KIF4A: variants seen among roughly 807,000 people sequenced by gnomAD.
KIF4A encodes the protein chromosome-associated kinesin KIF4A.
A neutral mutation model predicts 105.9 loss-of-function variants in KIF4A; 7 were observed. The observed-to-expected ratio is 0.07, with a 90% CI of 0.04 to 0.12. The LOEUF is 0.12. KIF4A is among the 10% of genes least tolerant of loss of function. The pLI is 1.00. For synonymous variants in KIF4A, 281 were observed against 331.3 expected (o/e 0.85, Z 1.65); for missense variants, 558 against 929.2 (o/e 0.60, Z 5.19).
At position 70,333,505 on chromosome X, in the gene KIF4A, C is replaced by T. The variant is rs188808608; in HGVS notation, c.1072-123C>T. On this transcript the variant is annotated intron_variant, in intron 9 of 30. Transcript: ENST00000374403. ...TTTGGTAGTATCTAAGGTATGCTAT[C>T]TGCCTTAGATTTCATAGACATTTAG... The T allele has an allele frequency of 4.5e-5, 22 of 494,063 alleles. No individual in the cohort carries two copies. The East Asian group carries it at 8.0e-4, about 18-fold the overall frequency. 40.7% of individuals were successfully genotyped at this position (494,063 alleles called of 1,213,427 possible). A position where few individuals can be genotyped will look rare whatever the true frequency, so the allele number is the denominator to read the frequency against.
intron 6 of KIF4A, 78 bp downstream of exon 6, chrX:70,302,144 A>G: frequency 8.9e-7 from 1 of 1,120,178 alleles, no homozygotes; most frequent in Non-Finnish European, 1.2e-6. Context: ...TCTTCAATTG[A>G]TTTGACAAAT....
chrX:70,335,418 A>G (rs1050403061), intron 10 of KIF4A, among the ~76,000 whole-genome samples: 5 of 112,251 alleles, frequency 4.5e-5, no homozygotes, highest in Admixed American at 1.9e-4. Context: ...TTTAATGGGT[A>G]TAGAATTTTA....
intron 7 of KIF4A, among the ~76,000 whole-genome samples, chrX:70,306,027 A>G (rs1390570182): frequency 8.9e-6 from 1 of 111,979 alleles, no homozygotes; most frequent in East Asian, 2.8e-4. Context: ...TTTTGGAAGA[A>G]TGTCCTTTCA....
At chrX:70,376,037 A>G in intron 17 of KIF4A, 63 bp from the exon 18 acceptor site, 1 of 782,765 alleles carries the variant, frequency 1.3e-6, no homozygotes, top group Non-Finnish European at 1.9e-6. Context: ...AAGTCTATCC[A>G]TCCGCACCAG....
At chrX:70,340,241 T>A (rs1400093128) in intron 10 of KIF4A, among the ~76,000 whole-genome samples, 1 of 111,989 alleles carries the variant, frequency 8.9e-6, no homozygotes, top group Non-Finnish European at 1.9e-5. Flanking sequence ...ACTTAAAAAA[T>A]TTAATGTATG....
chrX:70,404,286 C>T (rs1315398437), intron 24 of KIF4A, among the ~76,000 whole-genome samples: 3 of 111,355 alleles, frequency 2.7e-5, no homozygotes, highest in East Asian at 2.8e-4. Flanking sequence ...ACAGGCCCAG[C>T]GTGGTGGCTC....
intron 9 of KIF4A, among the ~76,000 whole-genome samples, chrX:70,332,922 C>T (rs983618764): frequency 9.0e-6 from 1 of 111,539 alleles, no homozygotes. Context: ...TGTATTATTT[C>T]CTACTATTTT....
chrX:70,333,689 C>A lies in KIF4A; in HGVS notation c.1133C>A (p.Thr378Asn). 1 of 1,142,124 alleles carries A rather than the reference C, an allele frequency of 8.8e-7. No homozygotes were observed. The highest frequency in any genetic ancestry group is 1.2e-6 in the Non-Finnish European group (1 of 832,975). The allele number at this position is 1,142,124 out of a possible 1,213,427, so 94.1% of individuals were successfully genotyped here. ...GGAGGTACCCTGCCTGGATCTATAA[C>A]GTAAGAGTCATAGATTAATTTGAAT... The part of the protein sequence containing the change: ...AHGGTLPGSI[T>N]VEPSENLQSL... Residue 378 changes from threonine to asparagine, a missense_variant and splice_region_variant, in exon 10 of 31, where the codon ACT becomes AAT. By Grantham distance (65) the Thr-to-Asn change is moderately conservative (BLOSUM62 0). This residue lies in a region of KIF4A where 469 missense variants were observed against 680.4 expected (regional missense o/e 0.69). Coordinates refer to ENST00000374403, the MANE Select transcript of KIF4A (RefSeq NM_012310.5).
intron 8 of KIF4A, among the ~76,000 whole-genome samples, 177 bp from the exon 9 acceptor site, chrX:70,329,980 A>G (rs1415842834): frequency 8.9e-6 from 1 of 112,117 alleles, no homozygotes; most frequent in Non-Finnish European, 1.9e-5. Context: ...ATTTAAATGT[A>G]TATTACATCA....
intron 15 of KIF4A, chrX:70,362,504 G>A (rs2086080440): frequency 8.1e-6 from 1 of 123,984 alleles, no homozygotes; most frequent in Non-Finnish European, 1.6e-5. Context: ...TTTTCCCCAT[G>A]GTATCAAATA....
In KIF4A at chrX:70,386,629, G is replaced by A. The variant is rs762779314; in HGVS notation, c.2046G>A (p.Arg682=). Reference sequence around the variant, plus strand: ...TTTTTTCTTGTCAGGACCGTAAGAGGCAATATGAGCTGCTGAAACTTGAAA... The same window carrying A: ...TTTTTTCTTGTCAGGACCGTAAGAGACAATATGAGCTGCTGAAACTTGAAA... ...VIQLKERDRK[R]QYELLKLERN... The change falls in exon 19 of 31, where the codon AGG becomes AGA. Residue 682 remains arginine, a synonymous_variant. Coordinates refer to ENST00000374403, the MANE Select transcript of KIF4A (RefSeq NM_012310.5). 4.2e-6 allele frequency: 5 copies of A among 1,204,268 alleles called. No individual in the cohort carries two copies. The South Asian group carries it at 5.3e-5, about 13-fold the overall frequency.
At chrX:70,295,744 C>T (rs1270119883) in intron 3 of KIF4A, among the ~76,000 whole-genome samples, 1 of 107,970 alleles carries the variant, frequency 9.3e-6, no homozygotes, top group South Asian at 4.2e-4. Context: ...GGTGAAACCC[C>T]GTCTCTACTA....
At chrX:70,360,053 G>A (rs2086068483) in intron 15 of KIF4A, among the ~76,000 whole-genome samples, 2 of 111,388 alleles carry the variant, frequency 1.8e-5, no homozygotes, top group Admixed American at 1.9e-4. Flanking sequence ...ACCCTGTGAG[G>A]GTGGCTTGTG....
intron 5 of KIF4A, among the ~76,000 whole-genome samples, chrX:70,301,538 A>G (rs969968221): frequency 1.8e-5 from 2 of 111,676 alleles, no homozygotes; most frequent in African/African-American, 6.5e-5. Context: ...GATAGGGGTG[A>G]AAGTAACAAA....
intron 28 of KIF4A, among the ~76,000 whole-genome samples, chrX:70,411,977 T>TAC (rs747340719): frequency 0.011 from 1,210 of 106,489 alleles, 10 homozygotes; most frequent in African/African-American, 0.032. Flanking sequence ...GCAGTTGTGA[T>TAC]ACACACACAC....
In KIF4A at chrX:70,404,040, C is replaced by A. The variant is rs1197633148; in HGVS notation, c.2790+6C>A. Reference sequence around the variant, plus strand: ...AGCAACAGCACCAAGAGAAGGTAAACTCTAGCAAGTCAAGAAGCTATACTG... The same window carrying A: ...AGCAACAGCACCAAGAGAAGGTAAAATCTAGCAAGTCAAGAAGCTATACTG... On this transcript the variant is annotated splice_donor_region_variant and intron_variant, in intron 24 of 30. Coordinates refer to ENST00000374403, the MANE Select transcript of KIF4A (RefSeq NM_012310.5). The A allele has an allele frequency of 2.5e-6, 3 of 1,207,101 alleles. No homozygotes were observed. Among genetic ancestry groups the A allele is most frequent in the African/African-American group, 3.5e-5 (2 of 57,096 alleles).
intron 15 of KIF4A, among the ~76,000 whole-genome samples, chrX:70,370,774 A>C (rs2086128018): frequency 9.2e-6 from 1 of 109,065 alleles, no homozygotes; most frequent in African/African-American, 3.3e-5. Context: ...TGTCTCTACT[A>C]AAAATACAAA....
chrX:70,291,305 A>T (rs1234917132), intron 3 of KIF4A, among the ~76,000 whole-genome samples: 1 of 111,868 alleles, frequency 8.9e-6, no homozygotes, highest in African/African-American at 3.2e-5. Context: ...TATACAACAG[A>T]GTCAGTCCTA....
At chrX:70,298,246 C>A (rs1364702825) in intron 4 of KIF4A, among the ~76,000 whole-genome samples, 1 of 110,602 alleles carries the variant, frequency 9.0e-6, no homozygotes, top group Non-Finnish European at 1.9e-5. Flanking sequence ...TTATTTATTT[C>A]TTTTGAGAAA....
Sources: gnomAD v4.1 joint callset for allele counts (sites outside exome capture counted in the v4.1 genomes callset) on GRCh38, gnomAD v4.1.1 for gene constraint, gnomAD v4.1.1 regional missense constraint, MANE v1.5 for transcripts, NCBI Gene and HGNC (gene_info 2026-07-23, HGNC 2026-07-21) for gene names.